Variants in RIMBP2 observed in about 807,000 individuals in gnomAD.
RIMBP2 encodes the protein RIMS binding protein 2.
A neutral mutation model predicts 118.6 loss-of-function variants in RIMBP2; 48 were observed. The observed-to-expected ratio is 0.40, with a 90% CI of 0.32 to 0.51. The LOEUF (loss-of-function observed/expected upper bound fraction) is 0.51, where lower values mean the gene tolerates loss of function less well. Ranked by LOEUF, RIMBP2 falls within the 20% of genes least tolerant of loss-of-function variation. The pLI is 0.41. For synonymous variants in RIMBP2, 762 were observed against 742.9 expected, an observed-to-expected ratio of 1.03 and a Z score of -0.42; for missense variants, 1,551 against 1,768.3, an observed-to-expected ratio of 0.88 and a Z score of 2.20.
chr12:130,525,666 A>G lies in RIMBP2; in HGVS notation c.-216-7749T>C, dbSNP rs909323939. ...GGGAAGGCATGAGGGCAGCAGAGAG[A>G]AGGACGGGGCACTTGGGGATGAGAT... On this transcript the variant is annotated intron_variant, in intron 2 of 22. Coordinates refer to ENST00000690449, the MANE Select transcript of RIMBP2 (RefSeq NM_001393629.1). This position sits in a 1 kb window ranked among gnomAD's most constrained non-coding sequence, Gnocchi z 4.4. Among the ~76,000 whole-genome samples, 13 of 152,210 alleles carry G rather than the reference A, an allele frequency of 8.5e-5. No homozygotes were observed. Among genetic ancestry groups the G allele is most frequent in the South Asian group, 4.1e-4 (2 of 4,824 alleles).
chr12:130,564,204 C>T (rs567469844), intron 2 of RIMBP2, among the ~76,000 whole-genome samples: 63 of 150,366 alleles, frequency 4.2e-4, no homozygotes, highest in Non-Finnish European at 8.6e-4. Flanking sequence ...CAGGTGCCCA[C>T]GTGGCTAACT....
intron 6 of RIMBP2, 140 bp downstream of exon 6, chr12:130,470,553 G>A (rs1278335415): frequency 2.3e-6 from 1 of 431,938 alleles, no homozygotes; most frequent in Non-Finnish European, 3.9e-6. Context: ...AGGATGACAT[G>A]AGAAGACACA....
chr12:130,657,321 G>C (rs1398604354), intron 1 of RIMBP2, among the ~76,000 whole-genome samples: 1 of 152,180 alleles, frequency 6.6e-6, no homozygotes, highest in Admixed American at 6.5e-5. Context: ...GGTACTGGGA[G>C]TTAGGACTTC....
chr12:130,671,534 G>T (rs1233129640), intron 1 of RIMBP2, among the ~76,000 whole-genome samples: 1 of 152,140 alleles, frequency 6.6e-6, no homozygotes, highest in Non-Finnish European at 1.5e-5. Context: ...TGCCTAGATG[G>T]GTACCTATGA....
Position 130,490,881 on chromosome 12 carries a change from A to G in RIMBP2, c.-3-11865T>C, listed in dbSNP as rs553297087. 7.0e-4 allele frequency among the ~76,000 whole-genome samples: 107 copies of G among 152,234 alleles called. 1 individual carries two copies. Among genetic ancestry groups the G allele is most frequent in the African/African-American group, 2.5e-3 (103 of 41,542 alleles). On this transcript the variant is annotated intron_variant, in intron 4 of 22. Coordinates refer to ENST00000690449, the MANE Select transcript of RIMBP2 (RefSeq NM_001393629.1). ...AACTCAGCCACACCATAAAAGAGGG[A>G]GATGTGGTCAGAGTTCAGTGGGAGG...
Position 130,648,040 on chromosome 12 carries a change from C to T in RIMBP2, c.-351-19584G>A, listed in dbSNP as rs568192952. 2.1e-4 allele frequency among the ~76,000 whole-genome samples: 30 copies of T among 145,954 alleles called. 1 individual carries two copies. Among genetic ancestry groups the T allele is most frequent in the African/African-American group, 7.2e-4 (29 of 40,398 alleles). ...ACATGTGAACACACGTGTGTACACA[C>T]CCGCCTCACGTGGTACAGAAAGCCA... is the stretch of plus-strand genomic sequence containing the variant. On this transcript the variant is annotated intron_variant, in intron 1 of 22. Transcript: ENST00000690449.
At chr12:130,662,573 T>C (rs1231049125) in intron 1 of RIMBP2, among the ~76,000 whole-genome samples, 3 of 151,998 alleles carry the variant, frequency 2.0e-5, no homozygotes, top group Admixed American at 6.6e-5. Flanking sequence ...GGAGAATCAC[T>C]GGAACCCGGA....
chr12:130,404,257 TA>T (rs1049358287), intron 21 of RIMBP2, among the ~76,000 whole-genome samples: 27 of 152,264 alleles, frequency 1.8e-4, no homozygotes, highest in Admixed American at 1.5e-3. Context: ...GAATATATGC[TA>T]GGGGGAAAAA....
intron 1 of RIMBP2, among the ~76,000 whole-genome samples, chr12:130,689,381 C>T (rs1057498056): frequency 2.0e-5 from 3 of 152,134 alleles, no homozygotes; most frequent in African/African-American, 4.8e-5. Flanking sequence ...TACAGTGAGC[C>T]AAGATCGCTC....
At chr12:130,669,936 A>G (rs1057324184) in intron 1 of RIMBP2, among the ~76,000 whole-genome samples, 2 of 152,332 alleles carry the variant, frequency 1.3e-5, no homozygotes, top group Admixed American at 1.3e-4. Flanking sequence ...CTTTTTCCAC[A>G]GAACCTAAGA....
intron 2 of RIMBP2, among the ~76,000 whole-genome samples, chr12:130,568,894 A>C (rs1048425442): frequency 6.6e-6 from 1 of 152,024 alleles, no homozygotes; most frequent in African/African-American, 2.4e-5. Context: ...ATGGAAAAAA[A>C]CCCGAATTCC....
intron 6 of RIMBP2, among the ~76,000 whole-genome samples, chr12:130,459,169 C>T (rs1455686640): frequency 2.0e-5 from 3 of 151,322 alleles, no homozygotes; most frequent in Non-Finnish European, 4.4e-5. Flanking sequence ...GAGGGTGTGA[C>T]GAGGGACGGT....
chr12:130,398,220 T>G (rs1282309180), intron 22 of RIMBP2: 2 of 152,220 alleles, frequency 1.3e-5, no homozygotes, highest in Non-Finnish European at 2.9e-5. Context: ...AGACTTTTAC[T>G]CTAATACGCT....
chr12:130,412,207 G>T (rs991795821), intron 19 of RIMBP2, among the ~76,000 whole-genome samples: 2 of 152,100 alleles, frequency 1.3e-5, no homozygotes, highest in Non-Finnish European at 2.9e-5. Context: ...TGTGCCTCTT[G>T]GATAAGCAAA....
chr12:130,646,156 C>T (rs1177220101), intron 1 of RIMBP2, among the ~76,000 whole-genome samples: 11 of 83,696 alleles, frequency 1.3e-4, no homozygotes, highest in Non-Finnish European at 2.3e-4. Flanking sequence ...CCTGCCTCTC[C>T]ACCTCCCTCA....
At chr12:130,682,671 C>T (rs1198287509) in intron 1 of RIMBP2, among the ~76,000 whole-genome samples, 2 of 152,204 alleles carry the variant, frequency 1.3e-5, no homozygotes, top group African/African-American at 2.4e-5. Flanking sequence ...GGCAGACGAT[C>T]GATTTCCTTG....
chr12:130,542,351 T>C (rs769119033), intron 2 of RIMBP2, among the ~76,000 whole-genome samples: 4 of 152,142 alleles, frequency 2.6e-5, no homozygotes, highest in Non-Finnish European at 4.4e-5. Flanking sequence ...ACATTTTCCA[T>C]AGGACATCAA....
chr12:130,416,980 A>G (rs968486193), intron 17 of RIMBP2, among the ~76,000 whole-genome samples: 3 of 152,090 alleles, frequency 2.0e-5, no homozygotes, highest in Non-Finnish European at 2.9e-5. Context: ...ATGTATAAAA[A>G]TAAATAAAAA....
chr12:130,436,657 C>T (rs1290336395), intron 13 of RIMBP2, among the ~76,000 whole-genome samples, 185 bp downstream of exon 13: 2 of 152,224 alleles, frequency 1.3e-5, no homozygotes, highest in Non-Finnish European at 2.9e-5. Context: ...AAATAAAAAA[C>T]ACCATTTAAC....
Sources: allele counts gnomAD v4.1 joint callset (sites outside exome capture counted in the v4.1 genomes callset), GRCh38; gene constraint gnomAD v4.1.1; non-coding constraint Gnocchi (gnomAD v3.1); transcripts MANE v1.5; gene names NCBI Gene and HGNC (gene_info 2026-07-23, HGNC 2026-07-21).